Variants in PPM1E observed in about 807,000 individuals in gnomAD.
PPM1E encodes the protein protein phosphatase, Mg2+/Mn2+ dependent 1E.
A neutral mutation model predicts 65.9 loss-of-function variants in PPM1E; 20 were observed. The observed-to-expected ratio is 0.30, with a 90% CI of 0.21 to 0.44. The LOEUF is 0.44. Among genes scored for constraint, PPM1E ranks in the 20% least tolerant of loss-of-function variants. The pLI is 1.00. For missense variants in PPM1E, 713 were observed against 953.1 expected, an observed-to-expected ratio of 0.75 and a Z score of 3.32; for synonymous variants, 352 against 374.9, an observed-to-expected ratio of 0.94 and a Z score of 0.70.
chr17:58,830,956 A>G (rs761537954), intron 1 of PPM1E, among the ~76,000 whole-genome samples: 3 of 148,662 alleles, frequency 2.0e-5, no homozygotes, highest in African/African-American at 5.0e-5. Flanking sequence ...AAGTGCTTCT[A>G]TTACAGGCGT....
intron 1 of PPM1E, among the ~76,000 whole-genome samples, chr17:58,917,067 G>A (rs996726871): frequency 7.9e-5 from 12 of 151,890 alleles, no homozygotes; most frequent in African/African-American, 2.4e-4. Context: ...AAAATTATCC[G>A]GGCGTGGTTG....
At chr17:58,766,533 A>G (rs2049880488) in intron 1 of PPM1E, among the ~76,000 whole-genome samples, 1 of 151,856 alleles carries the variant, frequency 6.6e-6, no homozygotes, top group South Asian at 2.1e-4. Flanking sequence ...CTATGTTGTG[A>G]ATCTAAATAC....
At chr17:58,929,163 G>A (rs956938929) in intron 1 of PPM1E, among the ~76,000 whole-genome samples, 2 of 152,044 alleles carry the variant, frequency 1.3e-5, no homozygotes, top group African/African-American at 2.4e-5. Context: ...ATAATATGAT[G>A]AATCTCAAAA....
intron 1 of PPM1E, among the ~76,000 whole-genome samples, chr17:58,815,643 G>A (rs561781517): frequency 6.6e-6 from 1 of 152,222 alleles, no homozygotes; most frequent in Non-Finnish European, 1.5e-5. Context: ...TTTCATATCA[G>A]ATTATGTAAA....
intron 1 of PPM1E, among the ~76,000 whole-genome samples, chr17:58,887,615 A>G (rs1327489311): frequency 6.6e-6 from 1 of 152,206 alleles, no homozygotes; most frequent in Non-Finnish European, 1.5e-5. Context: ...GGAATGACAG[A>G]GAGATTTGTG....
intron 1 of PPM1E, among the ~76,000 whole-genome samples, chr17:58,945,719 T>G (rs368775475): frequency 5.0e-4 from 76 of 152,314 alleles, no homozygotes; most frequent in African/African-American, 1.8e-3. Flanking sequence ...CTATAATGTC[T>G]TACAAAATTC....
At chr17:58,828,474 GT>G (rs1017855169) in intron 1 of PPM1E, among the ~76,000 whole-genome samples, 1 of 151,884 alleles carries the variant, frequency 6.6e-6, no homozygotes, top group Admixed American at 6.6e-5. Context: ...TTGTTTGTTT[GT>G]TTTTTTAAGA....
chr17:58,858,464 C>T (rs1360472686), intron 1 of PPM1E, among the ~76,000 whole-genome samples: 3 of 152,046 alleles, frequency 2.0e-5, no homozygotes, highest in African/African-American at 7.2e-5. Context: ...CCCTTTCTTT[C>T]TCCTACCCTT....
intron 1 of PPM1E, among the ~76,000 whole-genome samples, chr17:58,771,188 TAAAG>T (rs1345836794): frequency 6.6e-6 from 1 of 151,940 alleles, no homozygotes; most frequent in Non-Finnish European, 1.5e-5. Context: ...GGTCGACAAA[TAAAG>T]ATAGTCTTAT....
At chr17:58,934,873 G>T (rs889769298) in intron 1 of PPM1E, among the ~76,000 whole-genome samples, 4 of 151,514 alleles carry the variant, frequency 2.6e-5, no homozygotes, top group African/African-American at 9.7e-5. Flanking sequence ...GTTGCAGTGA[G>T]CCGAGATCAT....
chr17:58,918,742 G>A (rs945357220), intron 1 of PPM1E, among the ~76,000 whole-genome samples: 1 of 146,930 alleles, frequency 6.8e-6, no homozygotes, highest in African/African-American at 2.5e-5. Flanking sequence ...GGAGGCAGAG[G>A]TTGCAGTGAG....
At chr17:58,778,958 A>ATATATG (rs1213473004) in intron 1 of PPM1E, among the ~76,000 whole-genome samples, 1 of 133,596 alleles carries the variant, frequency 7.5e-6, no homozygotes, top group Admixed American at 7.4e-5. Flanking sequence ...ATATATATAT[A>ATATATG]TATGTAGTAT....
intron 1 of PPM1E, among the ~76,000 whole-genome samples, chr17:58,775,838 C>T (rs1400312987): frequency 5.0e-5 from 7 of 139,068 alleles, no homozygotes; most frequent in East Asian, 2.4e-4. Flanking sequence ...GGCGTGAACC[C>T]GGGAAGCAGA....
intron 1 of PPM1E, among the ~76,000 whole-genome samples, chr17:58,887,162 C>CTTTTTTTTTTT (rs71143300): frequency 9.0e-6 from 1 of 111,710 alleles, no homozygotes; most frequent in African/African-American, 3.5e-5. Context: ...AGGCCTTCTT[C>CTTTTTTTTTTT]TTTTTTTTTT....
chr17:58,763,072 T>G (rs2049838561), intron 1 of PPM1E, among the ~76,000 whole-genome samples: 1 of 152,106 alleles, frequency 6.6e-6, no homozygotes, highest in Admixed American at 6.6e-5. Context: ...ACATGTCAGT[T>G]GTTTTTAATT....
At chr17:58,864,224 T>C (rs1317148715) in intron 1 of PPM1E, among the ~76,000 whole-genome samples, 1 of 152,184 alleles carries the variant, frequency 6.6e-6, no homozygotes, top group Non-Finnish European at 1.5e-5. Flanking sequence ...CTGCTGCCTG[T>C]ATAAATATTA....
intron 1 of PPM1E, among the ~76,000 whole-genome samples, chr17:58,803,711 C>T (rs921743091): frequency 6.6e-6 from 1 of 152,154 alleles, no homozygotes; most frequent in African/African-American, 2.4e-5. Context: ...CACTGTTTAG[C>T]AGTAACCTGT....
At chr17:58,762,742 A>C (rs2049834073) in intron 1 of PPM1E, among the ~76,000 whole-genome samples, 1 of 151,866 alleles carries the variant, frequency 6.6e-6, no homozygotes, top group Non-Finnish European at 1.5e-5. Context: ...CTAAAAATAC[A>C]AAAAAATTAG....
chr17:58,965,575 A>C, intron 2 of PPM1E, 119 bp from the exon 3 acceptor site: 1 of 938,940 alleles, frequency 1.1e-6, no homozygotes, highest in Non-Finnish European at 1.6e-6. Flanking sequence ...GAGAAGGATG[A>C]ATTTCTTCTA....
Sources: allele counts gnomAD v4.1 joint callset (sites outside exome capture counted in the v4.1 genomes callset), GRCh38; gene constraint gnomAD v4.1.1; transcripts MANE v1.5; gene names NCBI Gene and HGNC (gene_info 2026-07-23, HGNC 2026-07-21).